Variants in SLCO3A1 observed in about 807,000 individuals in gnomAD.
SLCO3A1 encodes solute carrier organic anion transporter family member 3A1.
A neutral mutation model predicts 63.1 loss-of-function variants in SLCO3A1; 27 were observed. The observed-to-expected ratio is 0.43, with a 90% CI of 0.32 to 0.59. The LOEUF (loss-of-function observed/expected upper bound fraction) is 0.59. Among genes scored for constraint, SLCO3A1 ranks in the 20% least tolerant of loss-of-function variants. SLCO3A1 has a pLI of 0.09. For synonymous variants in SLCO3A1, 473 were observed against 409.9 expected, an observed-to-expected ratio of 1.15 and a Z score of -1.86; for missense variants, 773 against 945.8, an observed-to-expected ratio of 0.82 and a Z score of 2.40.
chr15:92,097,354 A>G (rs1236830437), intron 3 of SLCO3A1, among the ~76,000 whole-genome samples: 1 of 152,228 alleles, frequency 6.6e-6, no homozygotes, highest in Non-Finnish European at 1.5e-5. Context: ...AGGAGAATGA[A>G]ACAGCACCTT....
At position 91,854,348 on chromosome 15, in the gene SLCO3A1, G is replaced by A. The variant is rs1259394458; in HGVS notation, c.180+260G>A. On this transcript the variant is annotated intron_variant, in intron 1 of 9. Coordinates refer to ENST00000318445, the MANE Select transcript of SLCO3A1 (RefSeq NM_013272.4). The surrounding 1 kb of genome is among the most constrained non-coding windows in gnomAD (Gnocchi z 6.4). ...GCTGGGGCAGGGGGTGCCGGGGGAG[G>A]AGAGGCGGCGGGCAGGTGGGCGTGA... 30 of 1,108,562 alleles carry A rather than the reference G, an allele frequency of 2.7e-5. No individual in the cohort carries two copies. Among genetic ancestry groups the A allele is most frequent in the Middle Eastern group, 2.5e-4 (1 of 3,956 alleles). 68.7% of individuals were successfully genotyped at this position (1,108,562 alleles called of 1,614,324 possible). A position where few individuals can be genotyped will look rare whatever the true frequency, so the allele number is the denominator to read the frequency against.
At chr15:92,071,684 G>A (rs1010166007) in intron 2 of SLCO3A1, among the ~76,000 whole-genome samples, 3 of 152,186 alleles carry the variant, frequency 2.0e-5, no homozygotes, top group South Asian at 2.1e-4. Flanking sequence ...GGGGTGGGCC[G>A]TGGCCTCTCC....
chr15:91,974,570 C>A (rs1285930797), intron 2 of SLCO3A1, among the ~76,000 whole-genome samples: 1 of 151,108 alleles, frequency 6.6e-6, no homozygotes, highest in Non-Finnish European at 1.5e-5. Flanking sequence ...TGCCAGCGGG[C>A]AGAGCCAGGC....
At position 92,164,995 on chromosome 15, in the gene SLCO3A1, C is replaced by T; in HGVS notation, c.*1860C>T. ...GATTGGTTTGCTTTTTCACCTTGGA[C>T]ACATTTGCATTTTACCCACAAGGCA... On this transcript the variant is annotated 3_prime_UTR_variant, in exon 10 of 10. Coordinates refer to ENST00000318445, the MANE Select transcript of SLCO3A1 (RefSeq NM_013272.4). 1 of 985,336 alleles carries T rather than the reference C, an allele frequency of 1.0e-6. No homozygotes were observed. Among genetic ancestry groups the T allele is most frequent in the Non-Finnish European group, 1.2e-6 (1 of 829,910 alleles). 61.0% of individuals were successfully genotyped at this position (985,336 alleles called of 1,614,324 possible).
At chr15:91,909,935 G>A (rs375802115) in intron 1 of SLCO3A1, among the ~76,000 whole-genome samples, 7 of 152,242 alleles carry the variant, frequency 4.6e-5, no homozygotes, top group African/African-American at 7.2e-5. Flanking sequence ...CAGCTGCCCC[G>A]GCCGTCTCTC....
At chr15:91,987,851 A>C (rs987528821) in intron 2 of SLCO3A1, among the ~76,000 whole-genome samples, 1 of 152,078 alleles carries the variant, frequency 6.6e-6, no homozygotes, top group African/African-American at 2.4e-5. Context: ...AGTTTTCCTG[A>C]GTCTTAAAAG....
chr15:91,917,931 A>G (rs1184039084), intron 2 of SLCO3A1, among the ~76,000 whole-genome samples: 1 of 152,222 alleles, frequency 6.6e-6, no homozygotes, highest in Non-Finnish European at 1.5e-5. Context: ...AAGTAGATCA[A>G]TCAGAGCACA....
At chr15:91,939,956 A>G (rs1458241267) in intron 2 of SLCO3A1, among the ~76,000 whole-genome samples, 1 of 152,146 alleles carries the variant, frequency 6.6e-6, no homozygotes, top group Admixed American at 6.5e-5. Context: ...ATAGCTAGAA[A>G]GTAGCAGTCC....
chr15:91,868,416 T>C (rs1897219147), intron 1 of SLCO3A1, among the ~76,000 whole-genome samples: 1 of 150,462 alleles, frequency 6.6e-6, no homozygotes, highest in Non-Finnish European at 1.5e-5. Flanking sequence ...ACAAGGAATA[T>C]ATGTGGTGTT....
intron 2 of SLCO3A1, among the ~76,000 whole-genome samples, chr15:92,066,621 GC>G (rs556358607): frequency 1.0e-3 from 151 of 150,330 alleles, no homozygotes; most frequent in Non-Finnish European, 1.5e-3. Flanking sequence ...GCTTATAGAA[GC>G]CTCTCTGAGC....
At chr15:91,901,660 A>C (rs1898160318) in intron 1 of SLCO3A1, among the ~76,000 whole-genome samples, 1 of 152,182 alleles carries the variant, frequency 6.6e-6, no homozygotes, top group Non-Finnish European at 1.5e-5. Context: ...TCAGAACTTT[A>C]AATACATTGT....
At chr15:92,008,478 A>C (rs1247450612) in intron 2 of SLCO3A1, among the ~76,000 whole-genome samples, 1 of 152,254 alleles carries the variant, frequency 6.6e-6, no homozygotes, top group African/African-American at 2.4e-5. Flanking sequence ...TGAGTTGCAC[A>C]TTCAATGAGC....
At chr15:92,119,617 A>G (rs1185376619) in intron 4 of SLCO3A1, among the ~76,000 whole-genome samples, 1 of 152,190 alleles carries the variant, frequency 6.6e-6, no homozygotes, top group African/African-American at 2.4e-5. Context: ...ACCTGGGTGC[A>G]GGCGAGAAAC....
At chr15:92,107,624 T>C (rs902380445) in intron 4 of SLCO3A1, among the ~76,000 whole-genome samples, 1 of 152,256 alleles carries the variant, frequency 6.6e-6, no homozygotes, top group African/African-American at 2.4e-5. Flanking sequence ...TTGCAATTTC[T>C]CATCCGTTTT....
At chr15:92,058,115 A>G (rs2047043198) in intron 2 of SLCO3A1, among the ~76,000 whole-genome samples, 1 of 152,148 alleles carries the variant, frequency 6.6e-6, no homozygotes, top group South Asian at 2.1e-4. Flanking sequence ...GATTAAATGC[A>G]GCCATCTTCT....
Position 91,889,864 on chromosome 15 carries a change from T to C in SLCO3A1, c.181-26129T>C, listed in dbSNP as rs551081255. ...TCGCCCTGAGCGATTTTCTGTTACA[T>C]TTAAGACTAACCTACTTTAAGGGAA... On this transcript the variant is annotated intron_variant, in intron 1 of 9. Coordinates refer to ENST00000318445, the MANE Select transcript of SLCO3A1 (RefSeq NM_013272.4). Among the ~76,000 whole-genome samples the C allele has an allele frequency of 2.6e-5, 4 of 151,134 alleles. No homozygotes were observed. The East Asian group carries it at 7.7e-4, about 29-fold the overall frequency.
intron 2 of SLCO3A1, among the ~76,000 whole-genome samples, chr15:91,956,537 C>T (rs1260312764): frequency 1.3e-5 from 2 of 152,044 alleles, no homozygotes; most frequent in East Asian, 3.9e-4. Flanking sequence ...GGGAAATGGC[C>T]TCCGGCATTG....
chr15:92,151,043 A>C, intron 9 of SLCO3A1, 29 bp downstream of exon 9: 2 of 1,474,614 alleles, frequency 1.4e-6, no homozygotes, highest in Admixed American at 3.4e-5. Context: ...TTTCCTCAAT[A>C]ATGAATTGGA....
At chr15:92,103,152 A>T (rs1463850201) in intron 3 of SLCO3A1, among the ~76,000 whole-genome samples, 1 of 151,788 alleles carries the variant, frequency 6.6e-6, no homozygotes, top group Non-Finnish European at 1.5e-5. Context: ...TGCGGTCATT[A>T]CTCTTCCCAG....
Sources: allele counts gnomAD v4.1 joint callset (sites outside exome capture counted in the v4.1 genomes callset), GRCh38; gene constraint gnomAD v4.1.1; non-coding constraint Gnocchi (gnomAD v3.1); transcripts MANE v1.5; gene names NCBI Gene and HGNC (gene_info 2026-07-23, HGNC 2026-07-21).